The following SPRED2 variants were observed in gnomAD, a reference collection of about 807,000 sequenced individuals.
The protein encoded by SPRED2 is sprouty related EVH1 domain containing 2.
In SPRED2, 47 loss-of-function variants were observed where a neutral mutation model predicts 43.0. That is an observed-to-expected ratio of 1.09 (90% confidence interval 0.87 to 1.40). The LOEUF (loss-of-function observed/expected upper bound fraction) is 1.40. SPRED2 is among the 40% of genes most tolerant of loss of function. SPRED2 has a pLI of 0.00. For missense variants in SPRED2, 561 were observed against 586.4 expected (o/e 0.96, Z 0.45); for synonymous variants, 225 against 225.7 (o/e 1.00, Z 0.03).
intron 1 of SPRED2, among the ~76,000 whole-genome samples, chr2:65,406,307 CT>C (rs371373750): frequency 8.5e-5 from 13 of 152,226 alleles, no homozygotes; most frequent in African/African-American, 3.1e-4. Context: ...CATCCACCAA[CT>C]TTCCAATCCT....
chr2:65,377,488 C>T (rs1404173414), intron 1 of SPRED2: 1 of 440,296 alleles, frequency 2.3e-6, no homozygotes, highest in African/African-American at 2.0e-5. Flanking sequence ...GCCTCATCAC[C>T]CATTAAAGCT....
At chr2:65,410,793 A>G (rs1676139837) in intron 1 of SPRED2, among the ~76,000 whole-genome samples, 1 of 152,178 alleles carries the variant, frequency 6.6e-6, no homozygotes, top group South Asian at 2.1e-4. Context: ...CCAATCAAAA[A>G]AGAACCTAAA....
At chr2:65,343,969 A>T (rs1258968020) in intron 2 of SPRED2, among the ~76,000 whole-genome samples, 1 of 152,062 alleles carries the variant, frequency 6.6e-6, no homozygotes, top group African/African-American at 2.4e-5. Context: ...CAATATGGTG[A>T]AACTCTGTCT....
chr2:65,384,329 T>C lies in SPRED2; in HGVS notation c.27-39433A>G, dbSNP rs140971490. 3.5e-4 allele frequency among the ~76,000 whole-genome samples: 53 copies of C among 152,184 alleles called. 1 individual carries two copies. In the East Asian group the frequency reaches 0.01, roughly 30 times the overall value. ...CCATGGCTCCCTACTGCTTATGGAA[T>C]AAAGTCAGATGTTCCCAAGCTTGAC... On this transcript the variant is annotated intron_variant, in intron 1 of 5. Transcript: ENST00000356388.
At chr2:65,372,175 C>T (rs769962708) in intron 1 of SPRED2, among the ~76,000 whole-genome samples, 2 of 152,116 alleles carry the variant, frequency 1.3e-5, no homozygotes, top group Non-Finnish European at 1.5e-5. Flanking sequence ...AAAGGGAACT[C>T]ACATTCTCCC....
intron 2 of SPRED2, chr2:65,344,421 T>A (rs1406918530): frequency 2.1e-6 from 1 of 474,914 alleles, no homozygotes; most frequent in African/African-American, 2.0e-5. Context: ...AAGAGTACAC[T>A]TTTGTTTTGA....
intron 1 of SPRED2, among the ~76,000 whole-genome samples, chr2:65,350,673 T>G (rs1213693951): frequency 6.6e-6 from 1 of 152,182 alleles, no homozygotes; most frequent in African/African-American, 2.4e-5. Context: ...GGTGACATTG[T>G]AAGTCAGGAT....
chr2:65,325,722 C>T (rs547088305), intron 4 of SPRED2, among the ~76,000 whole-genome samples: 3 of 152,284 alleles, frequency 2.0e-5, no homozygotes, highest in African/African-American at 7.2e-5. Context: ...GTATGGATCA[C>T]CTGAGGTCAG....
intron 5 of SPRED2, among the ~76,000 whole-genome samples, chr2:65,314,905 C>G (rs751578366): frequency 6.6e-6 from 1 of 152,082 alleles, no homozygotes; most frequent in Non-Finnish European, 1.5e-5. Context: ...GTGAAGGCTC[C>G]GGAAACTGAA....
intron 1 of SPRED2, among the ~76,000 whole-genome samples, chr2:65,424,388 T>C (rs943361427): frequency 3.9e-5 from 6 of 152,226 alleles, no homozygotes; most frequent in African/African-American, 1.4e-4. Flanking sequence ...TAATGAATAG[T>C]TACTTCAACC....
At chr2:65,393,182 T>C (rs558012408) in intron 1 of SPRED2, among the ~76,000 whole-genome samples, 4 of 152,246 alleles carry the variant, frequency 2.6e-5, no homozygotes, top group African/African-American at 7.2e-5. Context: ...TGCAGTACTA[T>C]TGTAAAAAAC....
chr2:65,391,087 CAAAAA>C (rs572027285), intron 1 of SPRED2, among the ~76,000 whole-genome samples: 2 of 127,204 alleles, frequency 1.6e-5, no homozygotes, highest in South Asian at 5.2e-4. Context: ...GACTCCATCT[CAAAAA>C]AAAAAAAAAA....
At chr2:65,412,373 T>G (rs1676182309) in intron 1 of SPRED2, among the ~76,000 whole-genome samples, 1 of 152,098 alleles carries the variant, frequency 6.6e-6, no homozygotes, top group Admixed American at 6.5e-5. Flanking sequence ...AAAAAATGAT[T>G]TTGAAACCAT....
downstream of SPRED2, among the ~76,000 whole-genome samples, chr2:65,310,628 T>C (rs1673043678): frequency 6.6e-6 from 1 of 152,182 alleles, no homozygotes; most frequent in African/African-American, 2.4e-5. Flanking sequence ...GGCGGTGGCC[T>C]GCAGCCTTCC....
rs781246078 is a variant in SPRED2 at position 65,334,718 on chromosome 2, G to T, written c.260C>A (p.Thr87Lys). ...ATTATCGACCTTCCAGTGATGAAAC[G>T]TTGGATTGGCTTTGGTGTAGACCAA... is the stretch of plus-strand genomic sequence containing the variant. The part of the protein sequence containing the change: ...KDLVYTKANP[T>K]FHHWKVDNRK... Residue 87 changes from threonine (T) to lysine (K), a missense_variant, in exon 3 of 6, where the codon ACG (threonine) becomes AAG (lysine). By Grantham distance (78) the Thr-to-Lys change is moderately conservative. Coordinates refer to ENST00000356388, the MANE Select transcript of SPRED2 (RefSeq NM_181784.3). 2 of 1,614,180 alleles carry T rather than the reference G, an allele frequency of 1.2e-6. No homozygotes were observed. Among genetic ancestry groups the T allele is most frequent in the Non-Finnish European group, 1.7e-6 (2 of 1,180,028 alleles).
intron 1 of SPRED2, among the ~76,000 whole-genome samples, chr2:65,404,858 C>G (rs1199158980): frequency 1.3e-5 from 2 of 152,204 alleles, no homozygotes; most frequent in East Asian, 3.8e-4. Flanking sequence ...TTCTGCCAAA[C>G]AAACACCTCC....
At chr2:65,416,198 C>T (rs1195692758) in intron 1 of SPRED2, among the ~76,000 whole-genome samples, 11 of 152,148 alleles carry the variant, frequency 7.2e-5, no homozygotes, top group East Asian at 3.9e-4. Context: ...AATCGGTCTA[C>T]GGATGAGAAA....
chr2:65,410,104 G>C lies in SPRED2; in HGVS notation c.26+21858C>G, dbSNP rs116161050. On this transcript the variant is annotated intron_variant, in intron 1 of 5. Coordinates refer to ENST00000356388, the MANE Select transcript of SPRED2 (RefSeq NM_181784.3). ...ATCTTGTGCAAGGCCAGGCGTAATG[G>C]CTCACGCCTGTAATACCTATGCTTT... 3.5e-3 allele frequency among the ~76,000 whole-genome samples: 535 copies of C among 152,206 alleles called. 4 individuals carry two copies. The highest frequency in any genetic ancestry group is 0.012 in the African/African-American group (499 of 41,526).
intron 4 of SPRED2, among the ~76,000 whole-genome samples, chr2:65,329,825 C>T (rs759045826): frequency 3.3e-5 from 5 of 152,164 alleles, no homozygotes; most frequent in Non-Finnish European, 5.9e-5. Flanking sequence ...AGGATCTGCT[C>T]GGAGCACTAT....
Sources: gnomAD v4.1 joint callset for allele counts (sites outside exome capture counted in the v4.1 genomes callset) on GRCh38, gnomAD v4.1.1 for gene constraint, MANE v1.5 for transcripts, NCBI Gene and HGNC (gene_info 2026-07-23, HGNC 2026-07-21) for gene names.